KLHL1: variants seen among roughly 807,000 people sequenced by gnomAD.
The protein encoded by KLHL1 is kelch-like protein 1.
In KLHL1, 47 loss-of-function variants were observed where a neutral mutation model predicts 77.7. The ratio of observed to expected loss-of-function variants is 0.60; its 90% CI spans 0.48 to 0.77. The LOEUF (loss-of-function observed/expected upper bound fraction) is 0.77, where lower values mean the gene tolerates loss of function less well. Among genes scored for constraint, KLHL1 ranks in the 30% least tolerant of loss-of-function variants. The probability of loss-of-function intolerance (pLI) is 0.00; values close to 1 mark genes in which losing one functional copy is unlikely to be tolerated. For missense variants in KLHL1, 925 were observed against 910.8 expected, an observed-to-expected ratio of 1.02 and a Z score of -0.20; for synonymous variants, 360 against 325.2, an observed-to-expected ratio of 1.11 and a Z score of -1.15.
intron 1 of KLHL1, among the ~76,000 whole-genome samples, chr13:70,063,714 A>AT (rs200330962): frequency 6.6e-6 from 1 of 152,064 alleles, no homozygotes; most frequent in Non-Finnish European, 1.5e-5. Context: ...TTATTCTAAT[A>AT]TTTTTTTAAA....
At chr13:69,898,285 A>G (rs190070249) in intron 4 of KLHL1, among the ~76,000 whole-genome samples, 1 of 152,312 alleles carries the variant, frequency 6.6e-6, no homozygotes, top group Non-Finnish European at 1.5e-5. Context: ...AAACTTTTAC[A>G]TGGACCTCAG....
intron 2 of KLHL1, among the ~76,000 whole-genome samples, chr13:69,973,994 A>G (rs1435629681): frequency 6.6e-6 from 1 of 151,958 alleles, no homozygotes; most frequent in Non-Finnish European, 1.5e-5. Flanking sequence ...TGTTTCCACA[A>G]GCGTCTTATG....
At chr13:69,809,613 A>G (rs1475672463) in intron 6 of KLHL1, among the ~76,000 whole-genome samples, 4 of 152,144 alleles carry the variant, frequency 2.6e-5, no homozygotes, top group Non-Finnish European at 5.9e-5. Flanking sequence ...CACACAGCCC[A>G]TAGACCCTAT....
chr13:69,928,335 C>T (rs1419654288), intron 4 of KLHL1, among the ~76,000 whole-genome samples: 2 of 152,212 alleles, frequency 1.3e-5, no homozygotes, highest in South Asian at 2.1e-4. Flanking sequence ...ACATCCGATT[C>T]CCTAACTTTT....
chr13:69,814,418 A>G (rs944322443), intron 6 of KLHL1, among the ~76,000 whole-genome samples: 2 of 152,198 alleles, frequency 1.3e-5, no homozygotes, highest in African/African-American at 4.8e-5. Context: ...ATTAAACTGA[A>G]GAGCTTTGGC....
intron 7 of KLHL1, among the ~76,000 whole-genome samples, chr13:69,791,722 A>C (rs1876882561): frequency 6.6e-6 from 1 of 151,860 alleles, no homozygotes; most frequent in South Asian, 2.1e-4. Context: ...GACAGCATGC[A>C]AAAGAATGAA....
intron 7 of KLHL1, among the ~76,000 whole-genome samples, chr13:69,743,977 C>T (rs1164431042): frequency 1.3e-5 from 2 of 152,024 alleles, no homozygotes; most frequent in South Asian, 2.1e-4. Flanking sequence ...GGGACTATTA[C>T]ACATTTAAGT....
intron 6 of KLHL1, among the ~76,000 whole-genome samples, chr13:69,815,821 G>A (rs1379131274): frequency 6.6e-6 from 1 of 151,794 alleles, no homozygotes; most frequent in African/African-American, 2.4e-5. Context: ...AAACCCAGAA[G>A]TTATAAAGTA....
chr13:69,753,990 C>A (rs1874597990), intron 7 of KLHL1, among the ~76,000 whole-genome samples: 1 of 143,528 alleles, frequency 7.0e-6, no homozygotes, highest in Non-Finnish European at 1.5e-5. Flanking sequence ...GCGTGTTCCA[C>A]CATGCCTGGC....
chr13:69,869,520 T>C (rs902642184), intron 5 of KLHL1, among the ~76,000 whole-genome samples: 5 of 152,138 alleles, frequency 3.3e-5, no homozygotes, highest in African/African-American at 1.2e-4. Flanking sequence ...TAGTTTTACT[T>C]TTTGAATATT....
At chr13:70,056,068 A>G (rs1226321779) in intron 1 of KLHL1, among the ~76,000 whole-genome samples, 1 of 152,188 alleles carries the variant, frequency 6.6e-6, no homozygotes, top group East Asian at 1.9e-4. Context: ...ATACAAAACT[A>G]GAACCAACAA....
intron 1 of KLHL1, among the ~76,000 whole-genome samples, chr13:70,099,365 GAA>G (rs1248123454): frequency 1.3e-5 from 2 of 151,540 alleles, no homozygotes; most frequent in Non-Finnish European, 3.0e-5. Flanking sequence ...GAAGATAAAA[GAA>G]AAAAGTTTCC....
intron 8 of KLHL1, among the ~76,000 whole-genome samples, chr13:69,733,058 T>G (rs1447466295): frequency 1.3e-5 from 2 of 152,106 alleles, no homozygotes; most frequent in Admixed American, 1.3e-4. Context: ...AACTAGTAAG[T>G]TTTTTTACTT....
intron 7 of KLHL1, among the ~76,000 whole-genome samples, chr13:69,768,081 A>G (rs1052767987): frequency 6.6e-6 from 1 of 152,076 alleles, no homozygotes; most frequent in Non-Finnish European, 1.5e-5. Flanking sequence ...CTTATGTTGC[A>G]CTCTGTGCTG....
chr13:69,910,115 G>A (rs1346101064), intron 4 of KLHL1, among the ~76,000 whole-genome samples: 3 of 152,094 alleles, frequency 2.0e-5, no homozygotes, highest in African/African-American at 7.2e-5. Flanking sequence ...CCAAAATTTA[G>A]TAGACTGCTT....
chr13:69,792,375 A>G (rs1876909910), intron 7 of KLHL1, among the ~76,000 whole-genome samples: 1 of 152,202 alleles, frequency 6.6e-6, no homozygotes, highest in East Asian at 1.9e-4. Context: ...TACTTCAAAT[A>G]TACTGGGATT....
At chr13:69,971,836 G>C (rs1397468153) in intron 2 of KLHL1, among the ~76,000 whole-genome samples, 1 of 151,990 alleles carries the variant, frequency 6.6e-6, no homozygotes, top group Non-Finnish European at 1.5e-5. Flanking sequence ...ATCATCAACA[G>C]GGCATAGGCC....
intron 8 of KLHL1, 82 bp downstream of exon 8, chr13:69,740,312 C>T: frequency 1.1e-6 from 1 of 943,278 alleles, no homozygotes. Flanking sequence ...TTTTTACCAG[C>T]TTATTAAAAC....
intron 8 of KLHL1, among the ~76,000 whole-genome samples, chr13:69,739,433 C>T (rs1447134673): frequency 6.6e-6 from 1 of 152,086 alleles, no homozygotes; most frequent in Non-Finnish European, 1.5e-5. Flanking sequence ...GGGCTAAATG[C>T]CCCAATTAAA....
Sources: gnomAD v4.1 joint callset for allele counts (sites outside exome capture counted in the v4.1 genomes callset) on GRCh38, gnomAD v4.1.1 for gene constraint, MANE v1.5 for transcripts, NCBI Gene and HGNC (gene_info 2026-07-23, HGNC 2026-07-21) for gene names.